Variants in DGKI observed in about 807,000 individuals in gnomAD.
DGKI encodes diacylglycerol kinase iota.
Under a neutral mutation model 147.5 loss-of-function variants are expected in DGKI, and 55 were observed. That is an observed-to-expected ratio of 0.37 (90% CI 0.30 to 0.47). DGKI has a LOEUF of 0.47. Ranked by LOEUF, DGKI falls within the 20% of genes least tolerant of loss-of-function variation. DGKI has a pLI of 1.00. For missense variants in DGKI, 1,007 were observed against 1,323.8 expected, an observed-to-expected ratio of 0.76 and a Z score of 3.71; for synonymous variants, 469 against 477.1, an observed-to-expected ratio of 0.98 and a Z score of 0.22.
intron 28 of DGKI, among the ~76,000 whole-genome samples, chr7:137,437,571 T>A (rs1315738272): frequency 1.3e-5 from 2 of 152,140 alleles, no homozygotes; most frequent in Non-Finnish European, 2.9e-5. Flanking sequence ...TCAATTTTCT[T>A]TATACAAATT....
At chr7:137,552,630 C>T (rs1295253975) in intron 19 of DGKI, 62 bp from the exon 20 acceptor site, 8 of 1,561,210 alleles carry the variant, frequency 5.1e-6, no homozygotes, top group Non-Finnish European at 7.0e-6. Flanking sequence ...AGCTGGAGGC[C>T]AGGCGCTGTG....
chr7:137,453,827 C>A (rs1814073386), intron 27 of DGKI, among the ~76,000 whole-genome samples: 1 of 151,968 alleles, frequency 6.6e-6, no homozygotes. Context: ...AAATTTCTAC[C>A]AATTCCCTTT....
chr7:137,642,671 A>T (rs1821672371), intron 6 of DGKI, among the ~76,000 whole-genome samples: 1 of 152,190 alleles, frequency 6.6e-6, no homozygotes, highest in Non-Finnish European at 1.5e-5. Context: ...CAATTAAATC[A>T]TGAGTTATCT....
chr7:137,702,439 TC>T (rs112670468), intron 1 of DGKI, among the ~76,000 whole-genome samples: 2 of 152,272 alleles, frequency 1.3e-5, no homozygotes, highest in African/African-American at 4.8e-5. Flanking sequence ...AAGCTGCTCC[TC>T]CACAAAAGCA....
chr7:137,560,457 G>A (rs1728497), intron 19 of DGKI, among the ~76,000 whole-genome samples: 16,573 of 152,034 alleles, frequency 0.11, 2,014 homozygotes, highest in African/African-American at 0.3. Flanking sequence ...GAGACCAGTG[G>A]ACCTAAAACA....
chr7:137,436,069 C>A (rs1813270608), intron 28 of DGKI, among the ~76,000 whole-genome samples: 1 of 152,140 alleles, frequency 6.6e-6, no homozygotes, highest in Non-Finnish European at 1.5e-5. Context: ...GCCACAGCAC[C>A]CAGCCAGTAT....
chr7:137,697,654 C>A (rs1219190744), intron 1 of DGKI, among the ~76,000 whole-genome samples: 1 of 152,090 alleles, frequency 6.6e-6, no homozygotes, highest in Non-Finnish European at 1.5e-5. Flanking sequence ...AAACTATCAG[C>A]ACCTCTATCA....
At chr7:137,605,127 G>A (rs1419510401) in intron 10 of DGKI, among the ~76,000 whole-genome samples, 3 of 151,896 alleles carry the variant, frequency 2.0e-5, no homozygotes, top group Admixed American at 1.3e-4. Context: ...GGCCAACATA[G>A]TGAAACCCCG....
intron 1 of DGKI, among the ~76,000 whole-genome samples, chr7:137,842,826 C>CA (rs975129928): frequency 2.0e-5 from 3 of 151,112 alleles, no homozygotes; most frequent in Non-Finnish European, 3.0e-5. Context: ...GGCCACAAGC[C>CA]AAAAAAAGGT....
intron 1 of DGKI, among the ~76,000 whole-genome samples, chr7:137,711,935 G>A (rs1794229311): frequency 6.6e-6 from 1 of 151,558 alleles, no homozygotes; most frequent in South Asian, 2.1e-4. Flanking sequence ...CTCGTGATCC[G>A]CCCACCTCTG....
chr7:137,591,579 G>A (rs948897356), intron 12 of DGKI, among the ~76,000 whole-genome samples: 4 of 152,122 alleles, frequency 2.6e-5, no homozygotes, highest in African/African-American at 9.7e-5. Flanking sequence ...TGAGCGGCAG[G>A]GAGCTCAGCT....
chr7:137,429,250 A>G (rs1018928841), intron 28 of DGKI, among the ~76,000 whole-genome samples: 23 of 151,236 alleles, frequency 1.5e-4, no homozygotes, highest in African/African-American at 4.6e-4. Context: ...ATAACACCAC[A>G]TATCTACAAC....
At chr7:137,746,743 C>A (rs1795348754) in intron 1 of DGKI, among the ~76,000 whole-genome samples, 1 of 97,938 alleles carries the variant, frequency 1.0e-5, no homozygotes, top group African/African-American at 3.9e-5. Flanking sequence ...TGAGTCCAAA[C>A]CCACCTGGTA....
At chr7:137,542,565 A>C (rs1467937596) in intron 20 of DGKI, among the ~76,000 whole-genome samples, 2 of 152,138 alleles carry the variant, frequency 1.3e-5, no homozygotes, top group East Asian at 3.8e-4. Context: ...AAAACACAAA[A>C]CTATAATGAT....
chr7:137,670,393 T>C (rs1822801462), intron 3 of DGKI, among the ~76,000 whole-genome samples: 2 of 152,274 alleles, frequency 1.3e-5, no homozygotes, highest in African/African-American at 4.8e-5. Context: ...CCCATGACAG[T>C]TGTCATAGTA....
chr7:137,590,923 C>G (rs147284596), intron 12 of DGKI, among the ~76,000 whole-genome samples: 1 of 152,304 alleles, frequency 6.6e-6, no homozygotes, highest in East Asian at 1.9e-4. Context: ...CCCCCAAACT[C>G]CTGAGCTCAA....
intron 12 of DGKI, among the ~76,000 whole-genome samples, chr7:137,589,572 C>T (rs986260292): frequency 3.9e-5 from 6 of 152,170 alleles, no homozygotes; most frequent in African/African-American, 1.4e-4. Flanking sequence ...GATGTTTGTG[C>T]TTGACATTGT....
intron 7 of DGKI, 33 bp from the exon 8 acceptor site, chr7:137,619,973 G>A: frequency 2.0e-6 from 3 of 1,492,962 alleles, no homozygotes; most frequent in Non-Finnish European, 1.9e-6. Flanking sequence ...AAACAATTCT[G>A]GTCAAAGAGT....
intron 1 of DGKI, chr7:137,843,361 G>T (rs763792614): frequency 5.6e-5 from 54 of 956,958 alleles, no homozygotes; most frequent in Non-Finnish European, 6.2e-5. Flanking sequence ...AAAGAAAAAC[G>T]AAGTAGTAAT....
Sources: allele counts gnomAD v4.1 joint callset (sites outside exome capture counted in the v4.1 genomes callset), GRCh38; gene constraint gnomAD v4.1.1; transcripts MANE v1.5; gene names NCBI Gene and HGNC (gene_info 2026-07-23, HGNC 2026-07-21).